COL6A5: variants seen among roughly 807,000 people sequenced by gnomAD.
COL6A5 encodes the protein collagen alpha-5(VI) chain.
COL6A5 carries 48 observed loss-of-function variants against 65.6 expected under a neutral mutation model. That is an observed-to-expected ratio of 0.73 (90% CI 0.58 to 0.93). The LOEUF is 0.93. Ranked by LOEUF, COL6A5 falls within the 40% of genes least tolerant of loss-of-function variation. The pLI is 0.00. For synonymous variants in COL6A5, 291 were observed against 322.8 expected (o/e 0.90, Z 1.05); for missense variants, 914 against 928.3 (o/e 0.98, Z 0.20).
chr3:130,416,663 G>T (rs917787531), intron 23 of COL6A5, 94 bp from the exon 24 acceptor site: 4 of 750,824 alleles, frequency 5.3e-6, no homozygotes, highest in Non-Finnish European at 9.0e-6. Context: ...TCAAGGAGTT[G>T]TTGGGAATAG....
chr3:130,471,100 G>GTA, intron 7 of COL6A5, 133 bp downstream of exon 39: 1 of 661,824 alleles, frequency 1.5e-6, no homozygotes, highest in Non-Finnish European at 2.7e-6. Flanking sequence ...GTGTGTGTGT[G>GTA]TTTTAAATGC....
chr3:130,390,531 T>C (rs1936358408), intron 6 of COL6A5, among the ~76,000 whole-genome samples: 1 of 151,988 alleles, frequency 6.6e-6, no homozygotes, highest in African/African-American at 2.4e-5. Flanking sequence ...AAAACAGTCA[T>C]TTGTCTTACA....
At chr3:130,431,871 C>A (rs1366485151) in exon 1 of COL6A5, 9 of 1,551,464 alleles carry the variant, frequency 5.8e-6, no homozygotes, top group Non-Finnish European at 7.8e-6. Context: ...TCATCACGGC[C>A]ACCATGGAGT....
intron 25 of COL6A5, among the ~76,000 whole-genome samples, chr3:130,419,275 G>A (rs1449801102): frequency 6.6e-6 from 1 of 152,068 alleles, no homozygotes. Context: ...AAAGTCTAAG[G>A]TGACAATAAG....
At chr3:130,436,119 T>G (rs1709027417) in intron 1 of COL6A5, among the ~76,000 whole-genome samples, 1 of 152,084 alleles carries the variant, frequency 6.6e-6, no homozygotes, top group Non-Finnish European at 1.5e-5. Flanking sequence ...ATAAATCTGA[T>G]TTTTCTCTGT....
At chr3:130,476,958 A>T in intron 7 of COL6A5, 1 of 799,538 alleles carries the variant, frequency 1.3e-6, no homozygotes, top group Non-Finnish European at 2.1e-6. Flanking sequence ...CTCTTCAGAA[A>T]ATATCAGCTT....
In COL6A5 at chr3:130,395,329, T is replaced by A. The variant is rs1411284367; in HGVS notation, c.3432T>A (p.Asp1144Glu). Residue 1144 changes from aspartate to glutamate, a missense_variant and NMD_transcript_variant, in exon 8 of 42, where the codon GAT becomes GAA. Transcript: ENST00000312481. ...GTGTCCTGGTTTTGGGCATAGGAGA[T>A]GTTTATAAGGAACATCTCCTGCCAA... is the stretch of plus-strand genomic sequence containing the variant. 3 of 1,551,124 alleles carry A rather than the reference T, an allele frequency of 1.9e-6. No individual in the cohort carries two copies. The highest frequency in any genetic ancestry group is 3.9e-5 in the Admixed American group (2 of 50,878).
At position 130,403,673 on chromosome 3, in the gene COL6A5, A is replaced by G. The variant is rs1936888902; in HGVS notation, c.4281+11A>G. 6.5e-7 allele frequency: 1 copy of G among 1,548,584 alleles called. No homozygotes were observed. Among genetic ancestry groups the G allele is most frequent in the Non-Finnish European group, 8.7e-7 (1 of 1,144,862 alleles). ...GAGGATGGAAACCCTGTAAGTTTTT[A>G]TTACTCCCCCTCACCCCCTGTTGCA... On this transcript the variant is annotated intron_variant and NMD_transcript_variant, in intron 13 of 41. Coordinates refer to the COL6A5 transcript ENST00000312481.
At chr3:130,411,926 C>T (rs1275358747) in intron 20 of COL6A5, among the ~76,000 whole-genome samples, 4 of 152,092 alleles carry the variant, frequency 2.6e-5, no homozygotes, top group South Asian at 4.1e-4. Flanking sequence ...CAGGTTTTCT[C>T]CCCTCTCCCC....
At chr3:130,345,688 T>G (rs560949628) in exon 1 of COL6A5, 1 of 398,630 alleles carries the variant, frequency 2.5e-6, no homozygotes, top group Non-Finnish European at 4.4e-6. Flanking sequence ...ACATTAAAAC[T>G]TGTGAAGAGT....
At chr3:130,426,894 G>T (rs983583591), upstream of COL6A5, among the ~76,000 whole-genome samples, 2 of 151,930 alleles carry the variant, frequency 1.3e-5, no homozygotes, top group East Asian at 3.9e-4. Context: ...GGTTGTCTTT[G>T]GTTATAAAGA....
At chr3:130,477,501 TA>T in intron 7 of COL6A5, among the ~76,000 whole-genome samples, 1 of 152,238 alleles carries the variant, frequency 6.6e-6, no homozygotes, top group South Asian at 2.1e-4. Context: ...TTAATGTAGA[TA>T]TTTTTAAGTG....
intron 2 of COL6A5, among the ~76,000 whole-genome samples, chr3:130,374,245 A>G (rs1281288773): frequency 6.6e-6 from 1 of 152,150 alleles, no homozygotes; most frequent in Non-Finnish European, 1.5e-5. Context: ...GGTGTAGCCT[A>G]CTACACACCT....
intron 1 of COL6A5, among the ~76,000 whole-genome samples, chr3:130,434,765 C>T (rs1937970628): frequency 6.6e-6 from 1 of 152,106 alleles, no homozygotes; most frequent in Non-Finnish European, 1.5e-5. Context: ...ATATCCTTTG[C>T]TCATTTTTTG....
At chr3:130,418,269 G>A (rs756213878) in intron 24 of COL6A5, among the ~76,000 whole-genome samples, 6 of 151,992 alleles carry the variant, frequency 3.9e-5, no homozygotes, top group Non-Finnish European at 8.8e-5. Flanking sequence ...CCTCCTGCGT[G>A]CCTGCCTCAG....
chr3:130,473,986 G>A (rs1160795017), intron 7 of COL6A5, among the ~76,000 whole-genome samples: 1 of 152,044 alleles, frequency 6.6e-6, no homozygotes, highest in Non-Finnish European at 1.5e-5. Context: ...AGTAACAGTA[G>A]TAACTTGTAA....
At chr3:130,382,296 A>G (rs1416453157) in intron 4 of COL6A5, among the ~76,000 whole-genome samples, 2 of 152,140 alleles carry the variant, frequency 1.3e-5, no homozygotes, top group Admixed American at 6.6e-5. Flanking sequence ...AGGGAATGTA[A>G]ATTTCTGGAC....
intron 4 of COL6A5, among the ~76,000 whole-genome samples, chr3:130,446,588 G>A (rs1433393339): frequency 6.6e-6 from 1 of 152,112 alleles, no homozygotes; most frequent in African/African-American, 2.4e-5. Flanking sequence ...AACCCATTGT[G>A]ATTTGGTGTG....
At chr3:130,380,579 G>A (rs1935963632) in intron 4 of COL6A5, among the ~76,000 whole-genome samples, 2 of 152,110 alleles carry the variant, frequency 1.3e-5, no homozygotes, top group African/African-American at 4.8e-5. Flanking sequence ...TGCTGGAAAT[G>A]TTCTTTATCT....
Sources: allele counts gnomAD v4.1 joint callset (sites outside exome capture counted in the v4.1 genomes callset), GRCh38; gene constraint gnomAD v4.1.1; transcripts MANE v1.5; gene names NCBI Gene and HGNC (gene_info 2026-07-23, HGNC 2026-07-21).